Variants in RAB38 observed in about 807,000 individuals in gnomAD.
RAB38 encodes the protein RAB38, member RAS oncogene family.
In RAB38, 15 loss-of-function variants were observed where a neutral mutation model predicts 18.4. That is an observed-to-expected ratio of 0.82 (90% CI 0.55 to 1.26). The LOEUF (loss-of-function observed/expected upper bound fraction) is 1.26. RAB38 is among the 50% of genes most tolerant of loss of function. The pLI, the probability that RAB38 is intolerant of heterozygous loss-of-function variation, is 0.00. For synonymous variants in RAB38, 101 were observed against 104.4 expected, an observed-to-expected ratio of 0.97 and a Z score of 0.20; for missense variants, 294 against 267.4, an observed-to-expected ratio of 1.10 and a Z score of -0.69.
the RAB38 span, among the ~76,000 whole-genome samples, chr11:87,930,350 G>C: frequency 6.6e-6 from 1 of 152,170 alleles, no homozygotes; most frequent in Admixed American, 6.5e-5. Flanking sequence ...TCTTTTGGTT[G>C]CATAAATGTC....
the RAB38 span, among the ~76,000 whole-genome samples, chr11:87,913,919 C>A: frequency 1.3e-5 from 2 of 152,048 alleles, no homozygotes; most frequent in Admixed American, 1.3e-4. Context: ...TTGGAACTCT[C>A]AGCCTCCATA....
At chr11:87,948,509 T>A in the RAB38 span, among the ~76,000 whole-genome samples, 1 of 151,924 alleles carries the variant, frequency 6.6e-6, no homozygotes, top group Non-Finnish European at 1.5e-5. Context: ...TTTTGCCCAT[T>A]CAGTATGATA....
At chr11:88,045,741 C>T in the RAB38 span, among the ~76,000 whole-genome samples, 1 of 152,158 alleles carries the variant, frequency 6.6e-6, no homozygotes, top group Non-Finnish European at 1.5e-5. Flanking sequence ...AGGTCAAGTC[C>T]GTCCCCTTCT....
the RAB38 span, among the ~76,000 whole-genome samples, chr11:87,968,683 C>G: frequency 6.6e-6 from 1 of 152,122 alleles, no homozygotes; most frequent in African/African-American, 2.4e-5. Flanking sequence ...AAATAACCAT[C>G]TGGACAAAGC....
chr11:87,907,184 A>G, the RAB38 span, among the ~76,000 whole-genome samples: 1 of 151,960 alleles, frequency 6.6e-6, no homozygotes, highest in African/African-American at 2.4e-5. Context: ...CACAAACAAC[A>G]CTGATTTCTT....
At chr11:87,974,768 C>T in the RAB38 span, among the ~76,000 whole-genome samples, 1 of 150,780 alleles carries the variant, frequency 6.6e-6, no homozygotes, top group African/African-American at 2.4e-5. Context: ...ATATAAATTA[C>T]AGCTGTCTCA....
At chr11:88,143,053 A>G (rs1942935954) in intron 2 of RAB38, among the ~76,000 whole-genome samples, 1 of 152,222 alleles carries the variant, frequency 6.6e-6, no homozygotes, top group African/African-American at 2.4e-5. Context: ...AGGTCAGACT[A>G]GAAAAGGTTA....
the RAB38 span, among the ~76,000 whole-genome samples, chr11:87,805,623 G>A: frequency 0.097 from 11,145 of 114,342 alleles, 487 homozygotes; most frequent in African/African-American, 0.14. Flanking sequence ...ACACACACAC[G>A]CACACACACA....
the RAB38 span, among the ~76,000 whole-genome samples, chr11:87,953,907 A>G: frequency 6.8e-6 from 1 of 146,612 alleles, no homozygotes; most frequent in Non-Finnish European, 1.5e-5. Flanking sequence ...TTCGTTAGCT[A>G]TTTGTATTTA....
intron 2 of RAB38, among the ~76,000 whole-genome samples, chr11:88,124,263 A>T (rs1217128807): frequency 1.3e-5 from 2 of 152,238 alleles, no homozygotes. Context: ...CAAAAGCCAA[A>T]ATTGACAAAT....
At chr11:88,095,374 A>C in the RAB38 span, among the ~76,000 whole-genome samples, 1 of 151,676 alleles carries the variant, frequency 6.6e-6, no homozygotes, top group Non-Finnish European at 1.5e-5. Context: ...TGATAGACCC[A>C]CTGATATCTT....
downstream of RAB38, among the ~76,000 whole-genome samples, chr11:88,111,730 G>T (rs1352432167): frequency 1.3e-5 from 2 of 152,280 alleles, no homozygotes; most frequent in South Asian, 2.1e-4. Context: ...TCTCAAGCCT[G>T]GTCAATAGAG....
chr11:87,805,623 G>GCACA, the RAB38 span, among the ~76,000 whole-genome samples: 92 of 114,480 alleles, frequency 8.0e-4, no homozygotes, highest in African/African-American at 2.2e-3. Context: ...ACACACACAC[G>GCACA]CACACACACA....
chr11:88,128,253 C>T (rs1302611977), intron 2 of RAB38, among the ~76,000 whole-genome samples: 1 of 152,152 alleles, frequency 6.6e-6, no homozygotes, highest in African/African-American at 2.4e-5. Flanking sequence ...TTTATACTCT[C>T]CCTTTTTTCC....
the RAB38 span, among the ~76,000 whole-genome samples, chr11:88,085,350 G>A: frequency 6.6e-6 from 1 of 151,928 alleles, no homozygotes; most frequent in Non-Finnish European, 1.5e-5. Flanking sequence ...GTAAAAAGCA[G>A]AGGTGTCACT....
At chr11:87,967,334 C>T in the RAB38 span, among the ~76,000 whole-genome samples, 2 of 152,092 alleles carry the variant, frequency 1.3e-5, no homozygotes, top group Admixed American at 1.3e-4. Flanking sequence ...AAAATAATTG[C>T]CTTGAAATGA....
At chr11:87,816,941 C>A in the RAB38 span, 1 of 152,192 alleles carries the variant, frequency 6.6e-6, no homozygotes, top group East Asian at 1.9e-4. Context: ...AGAACAATAA[C>A]AGCATTTTGT....
chr11:87,908,653 T>G, the RAB38 span, among the ~76,000 whole-genome samples: 1 of 151,954 alleles, frequency 6.6e-6, no homozygotes, highest in African/African-American at 2.4e-5. Context: ...GTTGAGTCAT[T>G]TTTTTTAAGA....
chr11:88,131,624 A>G (rs1275889983), intron 2 of RAB38, among the ~76,000 whole-genome samples: 2 of 152,182 alleles, frequency 1.3e-5, no homozygotes, highest in Non-Finnish European at 2.9e-5. Context: ...CTAAACTTAA[A>G]AAGAGGGGCA....
Sources: allele counts gnomAD v4.1 joint callset (sites outside exome capture counted in the v4.1 genomes callset), GRCh38; gene constraint gnomAD v4.1.1; transcripts MANE v1.5; gene names NCBI Gene and HGNC (gene_info 2026-07-23, HGNC 2026-07-21).